The following MEMO1 variants were observed in gnomAD, a reference collection of about 807,000 sequenced individuals.
The protein encoded by MEMO1 is protein MEMO1.
MEMO1 carries 6 observed loss-of-function variants against 45.2 expected under a neutral mutation model. That is an observed-to-expected ratio of 0.13 (90% CI 0.07 to 0.26). MEMO1 has a LOEUF of 0.26. Among genes scored for constraint, MEMO1 ranks in the 10% least tolerant of loss-of-function variants. The probability of loss-of-function intolerance (pLI) is 1.00; values close to 1 mark genes in which losing one functional copy is unlikely to be tolerated. For synonymous variants in MEMO1, 78 were observed against 124.3 expected, an observed-to-expected ratio of 0.63 and a Z score of 2.48; for missense variants, 184 against 370.5, an observed-to-expected ratio of 0.50 and a Z score of 4.13.
chr2:32,004,780 A>T (rs1203905292), intron 2 of MEMO1, among the ~76,000 whole-genome samples: 3 of 152,070 alleles, frequency 2.0e-5, no homozygotes, highest in Non-Finnish European at 2.9e-5. Flanking sequence ...TACAAAAATT[A>T]TCCGGGTGTG....
chr2:31,934,839 T>C (rs1664720139), intron 3 of MEMO1, among the ~76,000 whole-genome samples: 1 of 151,986 alleles, frequency 6.6e-6, no homozygotes, highest in Admixed American at 6.6e-5. Context: ...CTCTTGAAAA[T>C]TGTGGCAGTA....
At chr2:31,969,333 A>G (rs1669007325) in intron 2 of MEMO1, among the ~76,000 whole-genome samples, 1 of 148,824 alleles carries the variant, frequency 6.7e-6, no homozygotes, top group Non-Finnish European at 1.5e-5. Flanking sequence ...ATATGTGTGT[A>G]TATATACACA....
At position 31,894,649 on chromosome 2, in the gene MEMO1, C is replaced by T. The variant is rs577620244; in HGVS notation, c.438-2515G>A. Among the ~76,000 whole-genome samples the T allele has an allele frequency of 9.2e-5, 14 of 152,226 alleles. No homozygotes were observed. In the East Asian group the frequency reaches 2.3e-3, roughly 25 times the overall value. On this transcript the variant is annotated intron_variant, in intron 6 of 9. Coordinates refer to ENST00000404530, the MANE Select transcript of MEMO1 (RefSeq NM_001301833.4). ...AAAACGCAGGCTGAGAGACTGGCAGCGTATGCACAGGGGAAGCTGGAAACC... is the reference window on the plus strand; with the variant it reads ...AAAACGCAGGCTGAGAGACTGGCAGTGTATGCACAGGGGAAGCTGGAAACC...
At chr2:31,975,453 A>G (rs979534127) in intron 2 of MEMO1, among the ~76,000 whole-genome samples, 23 of 152,298 alleles carry the variant, frequency 1.5e-4, no homozygotes, top group African/African-American at 5.1e-4. Context: ...GTAAAAGCCC[A>G]TACTCCTCTT....
chr2:31,978,772 T>C (rs1670304936), intron 2 of MEMO1, among the ~76,000 whole-genome samples: 1 of 152,226 alleles, frequency 6.6e-6, no homozygotes, highest in Non-Finnish European at 1.5e-5. Context: ...ATACCATTAA[T>C]TTGTCTCCTT....
In MEMO1 at chr2:31,868,112, C is replaced by T. The variant is rs541228601; in HGVS notation, c.*249G>A. On this transcript the variant is annotated 3_prime_UTR_variant, in exon 10 of 10. Coordinates refer to ENST00000404530, the MANE Select transcript of MEMO1 (RefSeq NM_001301833.4). ...ACTGTCTGCCACAACTGAGCCTTTACATTGTCATCTTTTTTGATCAAAATA... is the reference window on the plus strand; with the variant it reads ...ACTGTCTGCCACAACTGAGCCTTTATATTGTCATCTTTTTTGATCAAAATA... 5 of 352,540 alleles carry T rather than the reference C, an allele frequency of 1.4e-5. No individual in the cohort carries two copies. The highest frequency in any genetic ancestry group is 2.4e-5 in the Non-Finnish European group (5 of 212,402). The allele number at this position is 352,540 out of a possible 1,614,324, so 21.8% of individuals were successfully genotyped here. A position where few individuals can be genotyped will look rare whatever the true frequency, so the allele number is the denominator to read the frequency against.
intron 2 of MEMO1, among the ~76,000 whole-genome samples, chr2:31,968,551 T>C (rs1668900998): frequency 6.6e-6 from 1 of 152,220 alleles, no homozygotes; most frequent in South Asian, 2.1e-4. Context: ...CTCTGTTCTG[T>C]TAGTGACCAA....
intron 6 of MEMO1, among the ~76,000 whole-genome samples, chr2:31,904,130 G>A (rs763818409): frequency 3.3e-5 from 5 of 152,180 alleles, no homozygotes; most frequent in Non-Finnish European, 7.4e-5. Context: ...AGAGGCATAG[G>A]AGCTTTACCT....
At chr2:32,009,244 T>C (rs531446193) in intron 2 of MEMO1, among the ~76,000 whole-genome samples, 4 of 152,318 alleles carry the variant, frequency 2.6e-5, no homozygotes, top group African/African-American at 9.6e-5. Flanking sequence ...TTCCAGCACC[T>C]GCCTGGTGTA....
intron 2 of MEMO1, among the ~76,000 whole-genome samples, chr2:31,990,508 G>A (rs1391610487): frequency 2.0e-5 from 3 of 151,082 alleles, no homozygotes; most frequent in African/African-American, 7.3e-5. Context: ...CTCGAGTGCA[G>A]TGGCATGATC....
At chr2:31,951,182 T>C (rs1338959952) in intron 2 of MEMO1, among the ~76,000 whole-genome samples, 1 of 152,210 alleles carries the variant, frequency 6.6e-6, no homozygotes, top group Non-Finnish European at 1.5e-5. Context: ...AAAGGGGTGA[T>C]GTTGTGTAGT....
rs1340524358 is a variant in MEMO1 at position 32,008,952 on chromosome 2, T to C, written c.61+1235A>G. ...CATGTCACTCTCCAAGCCAATTCTT[T>C]GCAAAAGGAAACATGATCCGATTCA... On this transcript the variant is annotated intron_variant, in intron 2 of 9. Transcript: ENST00000404530. 2.0e-5 allele frequency among the ~76,000 whole-genome samples: 3 copies of C among 152,180 alleles called. No homozygotes were observed. The East Asian group carries it at 5.8e-4, about 29-fold the overall frequency.
At chr2:31,904,888 T>C (rs1428307554) in intron 6 of MEMO1, among the ~76,000 whole-genome samples, 2 of 152,164 alleles carry the variant, frequency 1.3e-5, no homozygotes, top group African/African-American at 2.4e-5. Context: ...GACATGCATA[T>C]AGAATTTAAG....
chr2:31,946,472 GTAA>G (rs1246442578), intron 2 of MEMO1, among the ~76,000 whole-genome samples: 7 of 152,116 alleles, frequency 4.6e-5, no homozygotes, highest in African/African-American at 1.7e-4. Flanking sequence ...CTTATACAAA[GTAA>G]TTTCATTATT....
At chr2:31,928,980 A>G (rs966974077) in intron 4 of MEMO1, among the ~76,000 whole-genome samples, 4 of 152,328 alleles carry the variant, frequency 2.6e-5, no homozygotes, top group South Asian at 4.1e-4. Context: ...GTAACTATAT[A>G]CATTTTTATG....
intron 2 of MEMO1, among the ~76,000 whole-genome samples, chr2:31,991,888 T>C (rs1350133535): frequency 6.6e-6 from 1 of 152,142 alleles, no homozygotes; most frequent in African/African-American, 2.4e-5. Flanking sequence ...AAAAACAAAA[T>C]ATTATTAAGT....
intron 2 of MEMO1, among the ~76,000 whole-genome samples, chr2:31,974,718 T>C (rs900910542): frequency 8.6e-5 from 13 of 151,742 alleles, no homozygotes; most frequent in African/African-American, 9.7e-5. Context: ...TGAGCCAAGA[T>C]TGCGCCATTG....
intron 2 of MEMO1, among the ~76,000 whole-genome samples, chr2:31,945,043 G>GT (rs992953449): frequency 2.3e-4 from 35 of 152,128 alleles, no homozygotes; most frequent in African/African-American, 8.2e-4. Flanking sequence ...TGATTTTGGT[G>GT]TTTATCATTC....
rs143446478 is a variant in MEMO1, at chr2:31,924,191, C to T, written c.213-3281G>A. Among the ~76,000 whole-genome samples, 6 of 151,884 alleles carry T rather than the reference C, an allele frequency of 4.0e-5. 1 individual carries two copies. The highest frequency in any genetic ancestry group is 3.9e-4 in the East Asian group (2 of 5,162). ...AGTAAAATGGGACATTTAAACCAGCCGTAATCTCAAAATGGGTCTCCTTGT... is the reference window on the plus strand; with the variant it reads ...AGTAAAATGGGACATTTAAACCAGCTGTAATCTCAAAATGGGTCTCCTTGT... On this transcript the variant is annotated intron_variant, in intron 4 of 9. Coordinates refer to ENST00000404530, the MANE Select transcript of MEMO1 (RefSeq NM_001301833.4).
Sources: gnomAD v4.1 joint callset for allele counts (sites outside exome capture counted in the v4.1 genomes callset) on GRCh38, gnomAD v4.1.1 for gene constraint, MANE v1.5 for transcripts, NCBI Gene and HGNC (gene_info 2026-07-23, HGNC 2026-07-21) for gene names.